Variants in USP48 observed in about 807,000 individuals in gnomAD.
USP48 encodes the protein ubiquitin specific peptidase 48.
In USP48, 43 loss-of-function variants were observed where a neutral mutation model predicts 150.7. The observed-to-expected ratio is 0.29, with a 90% confidence interval of 0.22 to 0.37. USP48 has a LOEUF of 0.37. USP48 is among the 10% of genes least tolerant of loss of function. The pLI, the probability that USP48 is intolerant of heterozygous loss-of-function variation, is 1.00. For synonymous variants in USP48, 396 were observed against 425.9 expected (o/e 0.93, Z 0.86); for missense variants, 813 against 1,249.6 (o/e 0.65, Z 5.27).
intron 1 of USP48, among the ~76,000 whole-genome samples, chr1:21,775,642 T>C (rs538275372): frequency 1.3e-5 from 2 of 152,350 alleles, no homozygotes; most frequent in Non-Finnish European, 2.9e-5. Context: ...CACATTTCTG[T>C]AATGTTTTAA....
Position 21,725,901 on chromosome 1 carries a change from C to T in USP48, c.1451-1806G>A, listed in dbSNP as rs139842544. 2.0e-5 allele frequency among the ~76,000 whole-genome samples: 3 copies of T among 152,292 alleles called. No homozygotes were observed. In the East Asian group the frequency reaches 5.8e-4, roughly 29 times the overall value. ...AGCTTAATCTGCCAGGGATAGAGTA[C>T]ACTGGGTATCTGGGGAATGCAAAGA... On this transcript the variant is annotated intron_variant, in intron 11 of 26. Coordinates refer to ENST00000308271, the MANE Select transcript of USP48 (RefSeq NM_032236.8).
chr1:21,745,096 T>C (rs1360682078), intron 8 of USP48, among the ~76,000 whole-genome samples: 1 of 152,210 alleles, frequency 6.6e-6, no homozygotes, highest in Non-Finnish European at 1.5e-5. Context: ...CTTTTCTTTA[T>C]GCTTTCTGAA....
At chr1:21,684,187 T>C (rs1558982728) in intron 25 of USP48, among the ~76,000 whole-genome samples, 1 of 152,256 alleles carries the variant, frequency 6.6e-6, no homozygotes. Flanking sequence ...GTTATATTTT[T>C]AGTTTTCTGA....
At position 21,753,112 on chromosome 1, in the gene USP48, C is replaced by T. The variant is rs762550875; in HGVS notation, c.420G>A (p.Glu140=). Residue 140 remains glutamate (E), a synonymous_variant, in exon 4 of 27, where the codon GAG becomes GAA. Coordinates refer to ENST00000308271, the MANE Select transcript of USP48 (RefSeq NM_032236.8). ...GGAGATGCTCACAAATTGTTTGAGG[C>T]TCATAATCTATTAAAACAAAAATAT... The part of the protein sequence containing the change: ...GDGIQEEKDY[E]PQTICEHLQY... 2 of 1,596,464 alleles carry T rather than the reference C, an allele frequency of 1.3e-6. No homozygotes were observed. Among genetic ancestry groups the T allele is most frequent in the African/African-American group, 1.4e-5 (1 of 73,654 alleles).
At chr1:21,776,812 G>A (rs772145965) in intron 1 of USP48, among the ~76,000 whole-genome samples, 1 of 151,972 alleles carries the variant, frequency 6.6e-6, no homozygotes, top group South Asian at 2.1e-4. Flanking sequence ...AAATTAGCCG[G>A]GCGTGGTGCC....
intron 10 of USP48, among the ~76,000 whole-genome samples, chr1:21,729,032 C>T (rs2097748359): frequency 1.3e-5 from 2 of 152,126 alleles, no homozygotes; most frequent in South Asian, 4.1e-4. Context: ...TACCTGTAAT[C>T]CCAGCACTTT....
chr1:21,780,326 T>C lies in USP48; in HGVS notation c.134+2498A>G, dbSNP rs1350474705. ...AATGGCCACGTACTGTATAATTCCA[T>C]TGCTATGAAATATTAATAGAGAAAT... On this transcript the variant is annotated intron_variant, in intron 1 of 26. Coordinates refer to ENST00000308271, the MANE Select transcript of USP48 (RefSeq NM_032236.8). Among the ~76,000 whole-genome samples the C allele has an allele frequency of 3.9e-5, 6 of 152,144 alleles. No homozygotes were observed. In the South Asian group the frequency reaches 8.3e-4, roughly 21 times the overall value.
chr1:21,732,674 T>A (rs2097759814), intron 9 of USP48: 1 of 372,906 alleles, frequency 2.7e-6, no homozygotes, highest in African/African-American at 2.2e-5. Flanking sequence ...TATATTCCAT[T>A]AGAATAAAAT....
chr1:21,747,266 C>T, intron 7 of USP48, 117 bp from the exon 8 acceptor site: 1 of 598,714 alleles, frequency 1.7e-6, no homozygotes. Flanking sequence ...CACAATCTTC[C>T]TCCAAAACAT....
chr1:21,700,801 C>T (rs1272459184), intron 22 of USP48, among the ~76,000 whole-genome samples: 2 of 152,182 alleles, frequency 1.3e-5, no homozygotes, highest in African/African-American at 2.4e-5. Context: ...GGGCCGGATG[C>T]GGTGGCTCAC....
chr1:21,756,494 A>AAAT, intron 3 of USP48, 52 bp downstream of exon 3: 1 of 1,448,740 alleles, frequency 6.9e-7, no homozygotes, highest in Non-Finnish European at 9.3e-7. Context: ...AAAAAAAAAA[A>AAAT]GTTTAAAAAA....
intron 24 of USP48, among the ~76,000 whole-genome samples, chr1:21,689,171 G>A (rs1370607070): frequency 1.3e-5 from 2 of 149,278 alleles, no homozygotes; most frequent in Non-Finnish European, 3.0e-5. Flanking sequence ...TATAAAATAA[G>A]TTACTATTTG....
At chr1:21,773,254 C>CAAA (rs60704662) in intron 1 of USP48, among the ~76,000 whole-genome samples, 13 of 66,066 alleles carry the variant, frequency 2.0e-4, no homozygotes, top group African/African-American at 3.9e-4. Context: ...GACTCGGTCT[C>CAAA]AAAAAAAAAA....
At chr1:21,706,928 A>G (rs528496448) in intron 15 of USP48, 60 bp from the exon 16 acceptor site, 2 of 1,528,990 alleles carry the variant, frequency 1.3e-6, no homozygotes, top group South Asian at 1.2e-5. Flanking sequence ...GTCATTATCT[A>G]TTTCCTATTT....
At chr1:21,767,976 G>A (rs1247470698) in intron 1 of USP48, among the ~76,000 whole-genome samples, 1 of 152,160 alleles carries the variant, frequency 6.6e-6, no homozygotes, top group East Asian at 1.9e-4. Context: ...GGGAGGCCGA[G>A]GCGGGTGGAT....
chr1:21,701,065 A>T (rs1382259864), intron 22 of USP48, among the ~76,000 whole-genome samples: 1 of 11,578 alleles, frequency 8.6e-5, no homozygotes, highest in Non-Finnish European at 7.0e-4. Flanking sequence ...GATCCATCTC[A>T]AAAAAAAAAA....
intron 5 of USP48, 142 bp downstream of exon 5, chr1:21,752,385 C>A: frequency 9.9e-7 from 1 of 1,009,944 alleles, no homozygotes; most frequent in Non-Finnish European, 1.4e-6. Flanking sequence ...TATATGTTCC[C>A]ATGGAAATGT....
At position 21,753,015 on chromosome 1, in the gene USP48, C is replaced by T; in HGVS notation, c.517G>A (p.Gly173Ser). The T allele has an allele frequency of 6.2e-7, 1 of 1,607,698 alleles. No homozygotes were observed. Among genetic ancestry groups the T allele is most frequent in the Non-Finnish European group, 8.5e-7 (1 of 1,178,692 alleles). ...IDPSGFVKAL[G>S]LDTGQQQDAQ... ...ACCTGCTGTTGTCCAGTGTCCAGGCCCAAGGCTTTAACAAATCCTGATGGA... is the reference window on the plus strand; with the variant it reads ...ACCTGCTGTTGTCCAGTGTCCAGGCTCAAGGCTTTAACAAATCCTGATGGA... The change falls in exon 4 of 27, where the codon GGC becomes AGC. Residue 173 changes from glycine (G) to serine (S), a missense_variant. By Grantham distance (56) the Gly-to-Ser change is moderately conservative. Transcript: ENST00000308271.
chr1:21,708,884 C>CAA (rs1181628764), intron 15 of USP48, among the ~76,000 whole-genome samples: 500 of 16,526 alleles, frequency 0.03, 30 homozygotes, highest in African/African-American at 0.075. Flanking sequence ...GACTCCGTCT[C>CAA]AAAAAAAAAA....
Sources: allele counts gnomAD v4.1 joint callset (sites outside exome capture counted in the v4.1 genomes callset), GRCh38; gene constraint gnomAD v4.1.1; transcripts MANE v1.5; gene names NCBI Gene and HGNC (gene_info 2026-07-23, HGNC 2026-07-21).